Variants in RALYL observed in about 807,000 individuals in gnomAD.
RALYL encodes the protein RALY RNA binding protein like.
A neutral mutation model predicts 35.1 loss-of-function variants in RALYL; 29 were observed. The ratio of observed to expected loss-of-function variants is 0.83; its 90% CI spans 0.61 to 1.13. RALYL has a LOEUF of 1.13. Among genes scored for constraint, RALYL ranks in the 50% most tolerant of loss-of-function variants. The probability of loss-of-function intolerance (pLI) is 0.00; values close to 1 mark genes in which losing one functional copy is unlikely to be tolerated. For missense variants in RALYL, 359 were observed against 360.4 expected, an observed-to-expected ratio of 1.00 and a Z score of 0.03; for synonymous variants, 120 against 127.6, an observed-to-expected ratio of 0.94 and a Z score of 0.40.
At chr8:84,409,951 G>A (rs1469075989) in intron 1 of RALYL, among the ~76,000 whole-genome samples, 1 of 151,782 alleles carries the variant, frequency 6.6e-6, no homozygotes, top group Non-Finnish European at 1.5e-5. Flanking sequence ...GACCGAGAAT[G>A]GAACTAAACC....
chr8:84,343,246 T>C (rs1305874338), intron 1 of RALYL, among the ~76,000 whole-genome samples: 4 of 152,138 alleles, frequency 2.6e-5, no homozygotes, highest in African/African-American at 9.6e-5. Flanking sequence ...GAAATATTAG[T>C]TATGTCAGCT....
rs577604871 is a variant in RALYL at position 84,632,498 on chromosome 8, G to A, written c.256+102921G>A. Among the ~76,000 whole-genome samples the A allele has an allele frequency of 5.3e-5, 8 of 151,804 alleles. No homozygotes were observed. In the East Asian group the frequency reaches 1.6e-3, roughly 29 times the overall value. On this transcript the variant is annotated intron_variant, in intron 2 of 8. Transcript: ENST00000521268. ...TCCCATTTTATTTGTATCTTTGATT[G>A]TGGCAATTAACAACCTGCTTTGTCA...
chr8:84,623,878 C>A (rs1027300374), intron 2 of RALYL, among the ~76,000 whole-genome samples: 1 of 152,090 alleles, frequency 6.6e-6, no homozygotes, highest in Non-Finnish European at 1.5e-5. Context: ...AGGAAGGGAC[C>A]AATGGCCCCA....
intron 2 of RALYL, among the ~76,000 whole-genome samples, chr8:84,639,889 A>G (rs1314260398): frequency 1.3e-5 from 2 of 152,022 alleles, no homozygotes; most frequent in African/African-American, 4.8e-5. Flanking sequence ...ATAAGGTCAT[A>G]AAGTGGACTT....
intron 2 of RALYL, among the ~76,000 whole-genome samples, chr8:84,553,637 T>C (rs189712584): frequency 4.8e-4 from 73 of 152,198 alleles, no homozygotes; most frequent in African/African-American, 1.2e-3. Context: ...CAGTTAAGAA[T>C]TGGAAGTATT....
intron 3 of RALYL, among the ~76,000 whole-genome samples, chr8:84,783,598 G>T (rs1416857390): frequency 6.6e-6 from 1 of 152,118 alleles, no homozygotes; most frequent in African/African-American, 2.4e-5. Context: ...ATATTCTCAT[G>T]AAAGGAGGTA....
intron 1 of RALYL, among the ~76,000 whole-genome samples, chr8:84,405,551 C>CAA (rs2043388070): frequency 6.6e-6 from 1 of 152,062 alleles, no homozygotes; most frequent in South Asian, 2.1e-4. Context: ...CACAGAAATA[C>CAA]AAACTACTAT....
At chr8:84,472,845 A>G (rs2052945227) in intron 1 of RALYL, among the ~76,000 whole-genome samples, 1 of 152,158 alleles carries the variant, frequency 6.6e-6, no homozygotes, top group Non-Finnish European at 1.5e-5. Context: ...TATTTTCTTC[A>G]GGAAATGGCT....
chr8:84,424,092 G>T (rs2132482451), intron 1 of RALYL, among the ~76,000 whole-genome samples: 1 of 151,880 alleles, frequency 6.6e-6, no homozygotes, highest in South Asian at 2.1e-4. Flanking sequence ...TCTGAACATT[G>T]GCCTGCCTTG....
chr8:84,916,758 A>ATATGGTAGT lies in RALYL; in HGVS notation c.859-4134_859-4126dup, dbSNP rs1366554856. 3.3e-5 allele frequency among the ~76,000 whole-genome samples: 5 copies of ATATGGTAGT among 152,230 alleles called. No homozygotes were observed. The East Asian group carries it at 9.7e-4, about 29-fold the overall frequency. On this transcript the variant is annotated intron_variant, in intron 8 of 8. Coordinates refer to ENST00000521268, the MANE Select transcript of RALYL (RefSeq NM_173848.7). ...GTCCCAAAACAAATATCCATAAAGA[A>ATATGGTAGT]TATGGTAGTTCTAATTATAATTTAT...
At chr8:84,913,875 A>T (rs1474287847) in intron 8 of RALYL, among the ~76,000 whole-genome samples, 1 of 151,904 alleles carries the variant, frequency 6.6e-6, no homozygotes, top group Non-Finnish European at 1.5e-5. Flanking sequence ...TATTTTTTTC[A>T]CCATACTATT....
In RALYL at chr8:84,384,833, A is replaced by AC. The variant is rs533434132; in HGVS notation, c.-23-144466_-23-144465insC. 1.4e-4 allele frequency among the ~76,000 whole-genome samples: 21 copies of AC among 151,880 alleles called. No individual in the cohort carries two copies. In the East Asian group the frequency reaches 1.8e-3, roughly 13 times the overall value. On this transcript the variant is annotated intron_variant, in intron 1 of 8. Transcript: ENST00000521268. ...CATGCTCATTATGTAGTGGAGCTTA[A>AC]AATTAGAGCTTGGTACCAACCACAT...
chr8:84,266,556 G>A (rs190415554), intron 1 of RALYL, among the ~76,000 whole-genome samples: 2 of 152,346 alleles, frequency 1.3e-5, no homozygotes, highest in East Asian at 3.9e-4. Context: ...GGGTCAGACA[G>A]ATCAGGCTAG....
intron 1 of RALYL, among the ~76,000 whole-genome samples, chr8:84,488,543 C>T (rs559028021): frequency 6.6e-6 from 1 of 152,128 alleles, no homozygotes; most frequent in South Asian, 2.1e-4. Context: ...TCCCTTTCTT[C>T]CCAATAGGCT....
At chr8:84,202,710 A>G (rs956641879) in intron 1 of RALYL, among the ~76,000 whole-genome samples, 4 of 152,128 alleles carry the variant, frequency 2.6e-5, no homozygotes, top group East Asian at 3.9e-4. Context: ...TGTATCTTTC[A>G]TGGTGACTTT....
At chr8:84,828,056 T>A (rs909721308) in intron 4 of RALYL, among the ~76,000 whole-genome samples, 6 of 152,122 alleles carry the variant, frequency 3.9e-5, no homozygotes, top group Non-Finnish European at 8.8e-5. Flanking sequence ...TTGTCCATAA[T>A]AGGATCAACA....
At chr8:84,464,295 C>T (rs369084661) in intron 1 of RALYL, among the ~76,000 whole-genome samples, 1 of 152,008 alleles carries the variant, frequency 6.6e-6, no homozygotes, top group Admixed American at 6.6e-5. Flanking sequence ...TCCCCCGTAC[C>T]CCTACCCCAC....
intron 5 of RALYL, among the ~76,000 whole-genome samples, chr8:84,856,964 C>T (rs1837142570): frequency 7.2e-6 from 1 of 138,410 alleles, no homozygotes; most frequent in African/African-American, 2.7e-5. Flanking sequence ...GGAAGCGGAG[C>T]TTGCAGTGAG....
At chr8:84,570,351 G>A (rs139132137) in intron 2 of RALYL, among the ~76,000 whole-genome samples, 1 of 151,422 alleles carries the variant, frequency 6.6e-6, no homozygotes, top group Admixed American at 6.6e-5. Flanking sequence ...TATTGTAAAT[G>A]GGATTGAGTT....
Sources: allele counts gnomAD v4.1 joint callset (sites outside exome capture counted in the v4.1 genomes callset), GRCh38; gene constraint gnomAD v4.1.1; transcripts MANE v1.5; gene names NCBI Gene and HGNC (gene_info 2026-07-23, HGNC 2026-07-21).